The following CYP2C19 variants were observed in gnomAD, a reference collection of about 807,000 sequenced individuals.
CYP2C19 encodes cytochrome P450 family 2 subfamily C member 19.
CYP2C19 carries 59 observed loss-of-function variants against 40.9 expected under a neutral mutation model. The observed-to-expected ratio is 1.44, with a 90% CI of 1.17 to 1.79. The LOEUF (loss-of-function observed/expected upper bound fraction) is 1.79. CYP2C19 is among the 40% of genes most tolerant of loss of function. The probability of loss-of-function intolerance (pLI) is 0.00; values close to 1 mark genes in which losing one functional copy is unlikely to be tolerated. For missense variants in CYP2C19, 754 were observed against 596.9 expected, an observed-to-expected ratio of 1.26 and a Z score of -2.74; for synonymous variants, 253 against 208.7, an observed-to-expected ratio of 1.21 and a Z score of -1.83.
In CYP2C19 at chr10:94,812,965, C is replaced by A. The variant is rs147746596; in HGVS notation, c.820-7531C>A. Among the ~76,000 whole-genome samples, 1,106 of 151,498 alleles carry A rather than the reference C, an allele frequency of 7.3e-3. 5 individuals are homozygous for A. The highest frequency in any genetic ancestry group is 0.027 in the South Asian group (128 of 4,826). Reference sequence around the variant, plus strand: ...ATGTTCTGGTTTTTGAAATTTTCAGCCTTTTTGTGCTGTTTTTTTTTTCTC... The same window carrying A: ...ATGTTCTGGTTTTTGAAATTTTCAGACTTTTTGTGCTGTTTTTTTTTTCTC... On this transcript the variant is annotated intron_variant, in intron 5 of 8. Transcript: ENST00000371321.
chr10:94,775,528 G>T lies in CYP2C19; in HGVS notation c.470G>T (p.Arg157Ile). The change falls in exon 3 of 9, where the codon AGA becomes ATA. Residue 157 changes from arginine to isoleucine, a missense_variant. By Grantham distance (97) the Arg-to-Ile change is moderately conservative. Coordinates refer to ENST00000371321, the MANE Select transcript of CYP2C19 (RefSeq NM_000769.4). ...GCCCGCTGCCTTGTGGAGGAGTTGA[G>T]AAAAACCAAGGGTGGGTGAACATAC... ...EEARCLVEEL[R>I]KTKASPCDPT... The T allele has an allele frequency of 1.2e-6, 2 of 1,613,920 alleles. No homozygotes were observed. Among genetic ancestry groups the T allele is most frequent in the Non-Finnish European group, 1.7e-6 (2 of 1,179,876 alleles).
At chr10:94,816,296 G>A (rs892349232) in intron 5 of CYP2C19, among the ~76,000 whole-genome samples, 1 of 147,308 alleles carries the variant, frequency 6.8e-6, no homozygotes, top group South Asian at 2.1e-4. Flanking sequence ...TATGGCATAA[G>A]TGGGATTTTA....
chr10:94,839,342 T>G (rs1849454404), intron 6 of CYP2C19, among the ~76,000 whole-genome samples: 2 of 152,136 alleles, frequency 1.3e-5, no homozygotes, highest in African/African-American at 4.8e-5. Context: ...GGACCTCTGC[T>G]AATCGGATTA....
intron 5 of CYP2C19, among the ~76,000 whole-genome samples, chr10:94,820,190 AC>A (rs1380152649): frequency 6.6e-6 from 1 of 151,332 alleles, no homozygotes; most frequent in Non-Finnish European, 1.5e-5. Flanking sequence ...AAATTCAACA[AC>A]CCTTCATGCT....
intron 8 of CYP2C19, among the ~76,000 whole-genome samples, chr10:94,851,064 G>A (rs985705759): frequency 6.6e-6 from 1 of 152,112 alleles, no homozygotes; most frequent in African/African-American, 2.4e-5. Flanking sequence ...ACATGTATCA[G>A]TCCATTCTTT....
chr10:94,850,248 G>C (rs776823786), intron 8 of CYP2C19, among the ~76,000 whole-genome samples, 190 bp downstream of exon 8: 6 of 152,068 alleles, frequency 3.9e-5, no homozygotes, highest in Non-Finnish European at 7.4e-5. Flanking sequence ...GTGGGTTTTG[G>C]AGAATTAATC....
chr10:94,773,909 CTGCTGATTGGTCCATTTTACAGAG>C (rs1848369218), intron 1 of CYP2C19: 1 of 152,162 alleles, frequency 6.6e-6, no homozygotes, highest in Non-Finnish European at 1.5e-5. Flanking sequence ...CACCCATGTC[CTGCTGATTGGTCCATTTTACAGAG>C]TGCTGATTGT....
chr10:94,776,842 G>A (rs1383277682), intron 3 of CYP2C19, among the ~76,000 whole-genome samples: 2 of 152,112 alleles, frequency 1.3e-5, no homozygotes, highest in Non-Finnish European at 2.9e-5. Context: ...ATTGAAATAG[G>A]ATGAGAGGAA....
At chr10:94,846,235 T>C (rs1459003877) in intron 7 of CYP2C19, among the ~76,000 whole-genome samples, 3 of 152,150 alleles carry the variant, frequency 2.0e-5, no homozygotes, top group Non-Finnish European at 2.9e-5. Flanking sequence ...TGTTGATCTC[T>C]GTGAAGAGTT....
At chr10:94,829,158 T>C (rs372891724) in intron 6 of CYP2C19, among the ~76,000 whole-genome samples, 1 of 152,116 alleles carries the variant, frequency 6.6e-6, no homozygotes, top group African/African-American at 2.4e-5. Flanking sequence ...TTGCTCTTCT[T>C]GAGGAGTATC....
rs1171099556 is a variant in CYP2C19, at chr10:94,854,881, A to G, written c.*1967A>G. Among the ~76,000 whole-genome samples, 1 of 152,220 alleles carries G rather than the reference A, an allele frequency of 6.6e-6. No homozygotes were observed. Among genetic ancestry groups the G allele is most frequent in the Non-Finnish European group, 1.5e-5 (1 of 68,036 alleles). ...GTGGAAATGGGTATTACATTAATGG[A>G]AAGATACAGATGGAAATTACACATT... On this transcript the variant is annotated 3_prime_UTR_variant, in exon 9 of 9. Transcript: ENST00000371321.
Position 94,775,053 on chromosome 10 carries a change from T to G in CYP2C19, c.169-5T>G. On this transcript the variant is annotated splice_region_variant and splice_polypyrimidine_tract_variant and intron_variant, in intron 1 of 8. Coordinates refer to ENST00000371321, the MANE Select transcript of CYP2C19 (RefSeq NM_000769.4). ...ATTTGCTGTTAACTGTATCTCCTTT[T>G]CTAGCTCTCAAAAATCTATGGCCCT... 1 of 1,613,972 alleles carries G rather than the reference T, an allele frequency of 6.2e-7. No individual in the cohort carries two copies. Among genetic ancestry groups the G allele is most frequent in the Non-Finnish European group, 8.5e-7 (1 of 1,179,916 alleles).
intron 5 of CYP2C19, among the ~76,000 whole-genome samples, chr10:94,811,644 CT>C (rs939470352): frequency 2.0e-4 from 31 of 151,234 alleles, no homozygotes; most frequent in Non-Finnish European, 3.7e-4. Context: ...GATACCACCC[CT>C]TTTTTTAATC....
At chr10:94,829,295 G>A (rs1242396340) in intron 6 of CYP2C19, among the ~76,000 whole-genome samples, 1 of 152,144 alleles carries the variant, frequency 6.6e-6, no homozygotes, top group African/African-American at 2.4e-5. Flanking sequence ...TCACTTTCAG[G>A]TACACCAATC....
chr10:94,828,181 G>T (rs149282898), intron 6 of CYP2C19, among the ~76,000 whole-genome samples: 119 of 152,188 alleles, frequency 7.8e-4, no homozygotes, highest in Middle Eastern at 3.4e-3. Flanking sequence ...TATTAGGTCC[G>T]CTTGGTGCAG....
Position 94,775,640 on chromosome 10 carries a change from G to A in CYP2C19, c.481+101G>A, listed in dbSNP as rs1848397933. 4.4e-6 allele frequency: 7 copies of A among 1,596,806 alleles called. No individual in the cohort carries two copies. In the East Asian group the frequency reaches 8.9e-5, roughly 20 times the overall value. On this transcript the variant is annotated intron_variant, in intron 3 of 8. Coordinates refer to ENST00000371321, the MANE Select transcript of CYP2C19 (RefSeq NM_000769.4). ...GGGGTGGCCAGATCTTTTATTTGGA[G>A]TCCTGGTTGTTAGCTCATGTGAAGC...
intron 6 of CYP2C19, among the ~76,000 whole-genome samples, chr10:94,832,137 C>T (rs1179764436): frequency 6.6e-6 from 1 of 152,138 alleles, no homozygotes; most frequent in Non-Finnish European, 1.5e-5. Context: ...TAAATTTTCC[C>T]AGCACAATCT....
At chr10:94,795,004 A>T (rs1035741745) in intron 5 of CYP2C19, among the ~76,000 whole-genome samples, 1 of 151,358 alleles carries the variant, frequency 6.6e-6, no homozygotes, top group Non-Finnish European at 1.5e-5. Flanking sequence ...TATATATGTA[A>T]ATATATATAT....
At chr10:94,818,935 C>T (rs1433471730) in intron 5 of CYP2C19, among the ~76,000 whole-genome samples, 2 of 151,984 alleles carry the variant, frequency 1.3e-5, no homozygotes, top group Non-Finnish European at 2.9e-5. Flanking sequence ...ACAGAATATA[C>T]ATTTTTTTCA....
Sources: allele counts gnomAD v4.1 joint callset (sites outside exome capture counted in the v4.1 genomes callset), GRCh38; gene constraint gnomAD v4.1.1; transcripts MANE v1.5; gene names NCBI Gene and HGNC (gene_info 2026-07-23, HGNC 2026-07-21).